The following DLGAP1 variants were observed in gnomAD, a reference collection of about 807,000 sequenced individuals.
DLGAP1 encodes the protein disks large-associated protein 1.
Under a neutral mutation model 90.8 loss-of-function variants are expected in DLGAP1, and 11 were observed. The ratio of observed to expected loss-of-function variants is 0.12; its 90% confidence interval spans 0.08 to 0.20. The LOEUF (loss-of-function observed/expected upper bound fraction) is 0.20, where lower values mean the gene tolerates loss of function less well. DLGAP1 is among the 10% of genes least tolerant of loss of function. The probability of loss-of-function intolerance (pLI) is 1.00; values close to 1 mark genes in which losing one functional copy is unlikely to be tolerated. For synonymous variants in DLGAP1, 558 were observed against 540.7 expected (o/e 1.03, Z -0.44); for missense variants, 1,050 against 1,333.8 (o/e 0.79, Z 3.31).
chr18:3,603,977 G>A (rs2057201688), intron 7 of DLGAP1: 1 of 154,440 alleles, frequency 6.5e-6, no homozygotes, highest in South Asian at 2.0e-4. Context: ...CCTTTGACCC[G>A]ATGCTGTCAG....
At chr18:3,667,281 G>C (rs1452985460) in intron 7 of DLGAP1, among the ~76,000 whole-genome samples, 1 of 152,034 alleles carries the variant, frequency 6.6e-6, no homozygotes, top group Non-Finnish European at 1.5e-5. Flanking sequence ...GTTTTACCAT[G>C]TTGGCCAGGC....
At chr18:3,735,525 A>T (rs920599092) in intron 6 of DLGAP1, among the ~76,000 whole-genome samples, 4 of 152,206 alleles carry the variant, frequency 2.6e-5, no homozygotes, top group African/African-American at 9.7e-5. Context: ...GCTTGGCCCA[A>T]AATTCATATT....
intron 5 of DLGAP1, chr18:3,771,527 G>A (rs1367844645): frequency 1.3e-5 from 2 of 152,274 alleles, no homozygotes; most frequent in Admixed American, 6.5e-5. Flanking sequence ...TCGAGGCTGA[G>A]GACTGCGCAG....
chr18:4,384,970 T>C (rs1213221027), intron 1 of DLGAP1, among the ~76,000 whole-genome samples: 1 of 140,046 alleles, frequency 7.1e-6, no homozygotes, highest in African/African-American at 3.3e-5. Context: ...TCTTCTTTGC[T>C]GATTCCGAAC....
rs539334392 is a variant in DLGAP1 at position 3,763,355 on chromosome 18, C to T, written c.1173-20843G>A. 2.0e-4 allele frequency among the ~76,000 whole-genome samples: 31 copies of T among 152,320 alleles called. No homozygotes were observed. The East Asian group carries it at 3.7e-3, about 18-fold the overall frequency. ...GAAGGCTGCACTGTCGGCTTCCCTACTTTTAAGATTTTGGGGCTTGGATTA... is the reference window on the plus strand; with the variant it reads ...GAAGGCTGCACTGTCGGCTTCCCTATTTTTAAGATTTTGGGGCTTGGATTA... On this transcript the variant is annotated intron_variant, in intron 5 of 12. Transcript: ENST00000315677.
chr18:3,903,946 G>T (rs2071840858), intron 3 of DLGAP1, among the ~76,000 whole-genome samples: 1 of 152,190 alleles, frequency 6.6e-6, no homozygotes, highest in Non-Finnish European at 1.5e-5. Flanking sequence ...CTGAATACTG[G>T]CCTGAGTGAG....
At chr18:4,317,489 G>C (rs986829923) in intron 1 of DLGAP1, among the ~76,000 whole-genome samples, 1 of 152,132 alleles carries the variant, frequency 6.6e-6, no homozygotes, top group Non-Finnish European at 1.5e-5. Flanking sequence ...TCACAATAAA[G>C]GAGTGTACTT....
At chr18:4,434,384 C>A (rs1428539729) in intron 1 of DLGAP1, among the ~76,000 whole-genome samples, 1 of 152,092 alleles carries the variant, frequency 6.6e-6, no homozygotes, top group African/African-American at 2.4e-5. Flanking sequence ...CTTCCCCTTG[C>A]CTTATTTTTT....
intron 2 of DLGAP1, among the ~76,000 whole-genome samples, chr18:4,103,873 TAC>T (rs1344447042): frequency 1.3e-5 from 2 of 152,186 alleles, no homozygotes; most frequent in Non-Finnish European, 2.9e-5. Context: ...TTGAACTAGC[TAC>T]ACATAGTTCA....
intron 7 of DLGAP1, chr18:3,679,909 C>T (rs1441964164): frequency 6.7e-6 from 1 of 150,236 alleles, no homozygotes; most frequent in Non-Finnish European, 1.5e-5. Context: ...TGGTCTTGAA[C>T]TCCTGGACTC....
intron 7 of DLGAP1, among the ~76,000 whole-genome samples, chr18:3,655,212 G>A (rs1280503062): frequency 6.6e-6 from 1 of 152,058 alleles, no homozygotes; most frequent in Non-Finnish European, 1.5e-5. Flanking sequence ...GATTAAGTGA[G>A]GATGAAGAAA....
intron 1 of DLGAP1, among the ~76,000 whole-genome samples, chr18:4,192,443 A>G (rs2077419251): frequency 6.6e-6 from 1 of 152,324 alleles, no homozygotes; most frequent in Non-Finnish European, 1.5e-5. Context: ...GTAATACAAT[A>G]AATTTAATTT....
At chr18:3,735,136 G>A (rs1397953574) in intron 6 of DLGAP1, among the ~76,000 whole-genome samples, 1 of 152,122 alleles carries the variant, frequency 6.6e-6, no homozygotes, top group Non-Finnish European at 1.5e-5. Flanking sequence ...AATTCTCTGA[G>A]CTTCACTTTC....
intron 4 of DLGAP1, chr18:3,845,082 T>TA: frequency 1.0e-6 from 1 of 992,374 alleles, no homozygotes; most frequent in Non-Finnish European, 1.5e-6. Context: ...GGCTACTCTT[T>TA]ATAAAATTGT....
chr18:3,935,948 A>C (rs1369997681), intron 3 of DLGAP1, among the ~76,000 whole-genome samples: 1 of 152,208 alleles, frequency 6.6e-6, no homozygotes, highest in Non-Finnish European at 1.5e-5. Flanking sequence ...CAAGAGAGTC[A>C]AACCCCCAAT....
chr18:4,284,661 C>T (rs1247479684), intron 1 of DLGAP1, among the ~76,000 whole-genome samples: 2 of 152,200 alleles, frequency 1.3e-5, no homozygotes, highest in East Asian at 1.9e-4. Flanking sequence ...GTTTGCTCGG[C>T]TTTCACTATG....
chr18:3,934,127 T>C (rs555336933), intron 3 of DLGAP1, among the ~76,000 whole-genome samples: 14 of 152,334 alleles, frequency 9.2e-5, no homozygotes, highest in Admixed American at 2.6e-4. Flanking sequence ...AATGGAACAG[T>C]ATTTACTAAA....
intron 3 of DLGAP1, among the ~76,000 whole-genome samples, chr18:3,909,057 T>C (rs2071975698): frequency 6.6e-6 from 1 of 152,204 alleles, no homozygotes; most frequent in Non-Finnish European, 1.5e-5. Context: ...GAATCACAAG[T>C]TAGAAATGAA....
At chr18:3,596,305 G>T (rs1027720979) in intron 7 of DLGAP1, among the ~76,000 whole-genome samples, 1 of 151,848 alleles carries the variant, frequency 6.6e-6, no homozygotes, top group Non-Finnish European at 1.5e-5. Flanking sequence ...AATTACAGCC[G>T]CCCGCCACCA....
Sources: gnomAD v4.1 joint callset for allele counts (sites outside exome capture counted in the v4.1 genomes callset) on GRCh38, gnomAD v4.1.1 for gene constraint, MANE v1.5 for transcripts, NCBI Gene and HGNC (gene_info 2026-07-23, HGNC 2026-07-21) for gene names.